Variants in DAPK2 observed in about 807,000 individuals in gnomAD.
DAPK2 encodes the protein death-associated protein kinase 2.
Under a neutral mutation model 44.1 loss-of-function variants are expected in DAPK2, and 35 were observed. The ratio of observed to expected loss-of-function variants is 0.79; its 90% confidence interval spans 0.61 to 1.05. The LOEUF is 1.05. Ranked by LOEUF, DAPK2 falls within the 50% of genes least tolerant of loss-of-function variation. The probability of loss-of-function intolerance (pLI) is 0.00; values close to 1 mark genes in which losing one functional copy is unlikely to be tolerated. For missense variants in DAPK2, 453 were observed against 483.2 expected (o/e 0.94, Z 0.59); for synonymous variants, 174 against 182.6 (o/e 0.95, Z 0.38).
chr15:64,003,804 C>T (rs1056696163), intron 1 of DAPK2, among the ~76,000 whole-genome samples: 1 of 152,188 alleles, frequency 6.6e-6, no homozygotes, highest in Non-Finnish European at 1.5e-5. Context: ...CGGGGTTTCA[C>T]CACGTTGGTC....
intron 1 of DAPK2, among the ~76,000 whole-genome samples, chr15:64,034,325 C>T (rs2080113786): frequency 6.6e-6 from 1 of 152,188 alleles, no homozygotes; most frequent in Admixed American, 6.5e-5. Flanking sequence ...CACAGATGAT[C>T]CCATTGGGAG....
At chr15:63,992,457 T>C (rs1433282829) in intron 1 of DAPK2, among the ~76,000 whole-genome samples, 2 of 152,156 alleles carry the variant, frequency 1.3e-5, no homozygotes, top group Non-Finnish European at 2.9e-5. Flanking sequence ...TCCTAAGTGC[T>C]GTAAACAAGA....
chr15:63,923,820 G>C lies in DAPK2; in HGVS notation c.858+996C>G, dbSNP rs2079159866. 6.6e-6 allele frequency among the ~76,000 whole-genome samples: 1 copy of C among 152,202 alleles called. No individual in the cohort carries two copies. Among genetic ancestry groups the C allele is most frequent in the African/African-American group, 2.4e-5 (1 of 41,454 alleles). On this transcript the variant is annotated intron_variant, in intron 8 of 10. Coordinates refer to ENST00000261891, the Ensembl canonical transcript of DAPK2. The surrounding 1 kb of genome is among the most constrained non-coding windows in gnomAD (Gnocchi z 4.2). ...AGCCCTCCCTGTTCTGTCTTCCACA[G>C]GCCTCACCTTCTCTTTGTATTGATT... is the stretch of plus-strand genomic sequence containing the variant.
At chr15:63,943,396 C>A (rs2077367314) in intron 3 of DAPK2, among the ~76,000 whole-genome samples, 1 of 152,084 alleles carries the variant, frequency 6.6e-6, no homozygotes, top group South Asian at 2.1e-4. Flanking sequence ...CCACTATACT[C>A]CAGACTTGGC....
At chr15:63,941,528 C>T (rs983790648) in intron 3 of DAPK2, among the ~76,000 whole-genome samples, 3 of 152,180 alleles carry the variant, frequency 2.0e-5, no homozygotes, top group African/African-American at 2.4e-5. Context: ...TGGACAGATG[C>T]CTTCTCCCAG....
intron 1 of DAPK2, among the ~76,000 whole-genome samples, chr15:63,999,608 A>G (rs751334478): frequency 3.9e-5 from 6 of 152,106 alleles, no homozygotes; most frequent in Non-Finnish European, 8.8e-5. Flanking sequence ...TAGCAGAATA[A>G]TGTACACAAA....
chr15:63,952,135 G>A (rs1209443129), intron 3 of DAPK2, among the ~76,000 whole-genome samples: 2 of 152,164 alleles, frequency 1.3e-5, no homozygotes, highest in Admixed American at 1.3e-4. Context: ...AACTACTCAG[G>A]AGGCGGAGGG....
At chr15:63,992,930 T>C (rs994602203) in intron 1 of DAPK2, among the ~76,000 whole-genome samples, 1 of 152,122 alleles carries the variant, frequency 6.6e-6, no homozygotes, top group Non-Finnish European at 1.5e-5. Flanking sequence ...GATAATACCT[T>C]AAAAACGAGC....
intron 4 of DAPK2, among the ~76,000 whole-genome samples, chr15:63,932,370 C>A (rs1325700327): frequency 4.8e-5 from 7 of 146,474 alleles, no homozygotes; most frequent in Non-Finnish European, 7.4e-5. Flanking sequence ...GAGGCTGAGG[C>A]AGGAGAACTG....
At chr15:64,032,398 C>T (rs1420968855) in intron 1 of DAPK2, among the ~76,000 whole-genome samples, 1 of 152,216 alleles carries the variant, frequency 6.6e-6, no homozygotes, top group Non-Finnish European at 1.5e-5. Flanking sequence ...GGGCCTCTGG[C>T]CTCTGTCTCA....
chr15:64,016,826 A>AGGAAGGAAGGAG (rs1175665399), intron 1 of DAPK2, among the ~76,000 whole-genome samples: 1,380 of 112,118 alleles, frequency 0.012, 42 homozygotes, highest in African/African-American at 0.033. Context: ...GGGAAGGGGA[A>AGGAAGGAAGGAG]GGAAGGAAGG....
At chr15:63,914,012 A>T (rs1209536238) in intron 8 of DAPK2, among the ~76,000 whole-genome samples, 1 of 152,106 alleles carries the variant, frequency 6.6e-6, no homozygotes, top group Non-Finnish European at 1.5e-5. Flanking sequence ...GACCTACAAC[A>T]GTGAGTGCTT....
intron 1 of DAPK2, among the ~76,000 whole-genome samples, chr15:64,033,121 A>G (rs2080063621): frequency 6.6e-6 from 1 of 151,426 alleles, no homozygotes; most frequent in South Asian, 2.1e-4. Flanking sequence ...TTAGCTGGGC[A>G]TGGTGGCACA....
chr15:64,002,948 G>GTGTGTGTCGTGGGACC (rs2079123742), intron 1 of DAPK2, among the ~76,000 whole-genome samples: 6 of 134,882 alleles, frequency 4.4e-5, no homozygotes, highest in Non-Finnish European at 8.0e-5. Flanking sequence ...GTGTGTGTGT[G>GTGTGTGTCGTGGGACC]TGTGTGTGTG....
intron 8 of DAPK2, among the ~76,000 whole-genome samples, chr15:63,914,814 T>C (rs925389505): frequency 3.9e-5 from 6 of 152,240 alleles, no homozygotes; most frequent in African/African-American, 1.4e-4. Flanking sequence ...GCTCAAATGT[T>C]ATCTCCTAAG....
At chr15:63,965,683 C>A (rs921976871) in intron 3 of DAPK2, among the ~76,000 whole-genome samples, 1 of 152,238 alleles carries the variant, frequency 6.6e-6, no homozygotes, top group African/African-American at 2.4e-5. Context: ...GTCCTTCCCA[C>A]TCTTCCCTCC....
Position 64,000,149 on chromosome 15 carries a change from T to C in DAPK2, c.93-16395A>G, listed in dbSNP as rs533521479. 1.9e-4 allele frequency among the ~76,000 whole-genome samples: 28 copies of C among 150,816 alleles called. No individual in the cohort carries two copies. In the South Asian group the frequency reaches 5.6e-3, roughly 30 times the overall value. ...TTTGCTTTGGATGAAAGGGGGATGA[T>C]ACAAAGCACTTGCCTGACTACTACT... On this transcript the variant is annotated intron_variant, in intron 1 of 10. Transcript: ENST00000261891.
intron 3 of DAPK2, among the ~76,000 whole-genome samples, chr15:63,947,911 A>C (rs867438492): frequency 4.6e-5 from 7 of 152,092 alleles, no homozygotes; most frequent in African/African-American, 1.7e-4. Context: ...ACCAACCACC[A>C]CCAAGAGCTC....
At chr15:63,946,632 G>T (rs1427864870) in intron 3 of DAPK2, among the ~76,000 whole-genome samples, 1 of 152,154 alleles carries the variant, frequency 6.6e-6, no homozygotes, top group Non-Finnish European at 1.5e-5. Context: ...GGGCTGCAAG[G>T]GACCTCAGAG....
Sources: gnomAD v4.1 joint callset for allele counts (sites outside exome capture counted in the v4.1 genomes callset) on GRCh38, gnomAD v4.1.1 for gene constraint, Gnocchi (gnomAD v3.1) non-coding constraint, MANE v1.5 for transcripts, NCBI Gene and HGNC (gene_info 2026-07-23, HGNC 2026-07-21) for gene names.